Variants in DPP10 observed in about 807,000 individuals in gnomAD.
DPP10 encodes dipeptidyl peptidase like 10, also known as inactive dipeptidyl peptidase 10.
DPP10 carries 33 observed loss-of-function variants against 120.9 expected under a neutral mutation model. That is an observed-to-expected ratio of 0.27 (90% CI 0.21 to 0.37). The LOEUF (loss-of-function observed/expected upper bound fraction) is 0.37, where lower values mean the gene tolerates loss of function less well. Among genes scored for constraint, DPP10 ranks in the 10% least tolerant of loss-of-function variants. The probability of loss-of-function intolerance (pLI) is 1.00; values close to 1 mark genes in which losing one functional copy is unlikely to be tolerated. For missense variants in DPP10, 816 were observed against 942.8 expected, an observed-to-expected ratio of 0.87 and a Z score of 1.76; for synonymous variants, 337 against 326.1, an observed-to-expected ratio of 1.03 and a Z score of -0.36.
intron 1 of DPP10, among the ~76,000 whole-genome samples, chr2:115,271,868 G>T (rs2059712715): frequency 6.6e-6 from 1 of 152,082 alleles, no homozygotes; most frequent in East Asian, 1.9e-4. Context: ...AGATGAAATT[G>T]GCACCATCTA....
chr2:115,030,697 C>T (rs1375243204), intron 1 of DPP10, among the ~76,000 whole-genome samples: 3 of 152,136 alleles, frequency 2.0e-5, no homozygotes, highest in Non-Finnish European at 4.4e-5. Flanking sequence ...TCCATGTGTT[C>T]TCATCATTCA....
chr2:115,116,155 T>C (rs186873641), intron 1 of DPP10, among the ~76,000 whole-genome samples: 1,941 of 152,184 alleles, frequency 0.013, 24 homozygotes, highest in Middle Eastern at 0.027. Flanking sequence ...TCATTTTTTT[T>C]CCCAAAGACA....
chr2:114,835,929 G>T (rs1687698847), intron 1 of DPP10, among the ~76,000 whole-genome samples: 1 of 151,804 alleles, frequency 6.6e-6, no homozygotes, highest in Non-Finnish European at 1.5e-5. Context: ...CAAAATTTTA[G>T]ATTGAGTGAG....
intron 1 of DPP10, among the ~76,000 whole-genome samples, chr2:114,745,677 G>A (rs976550272): frequency 2.5e-4 from 38 of 152,270 alleles, no homozygotes; most frequent in African/African-American, 8.4e-4. Context: ...CCTGCTTTCC[G>A]TCTGTTTATA....
At chr2:114,519,452 G>C (rs1204586917) in intron 1 of DPP10, among the ~76,000 whole-genome samples, 1 of 152,196 alleles carries the variant, frequency 6.6e-6, no homozygotes, top group East Asian at 1.9e-4. Flanking sequence ...GATCTAAAAA[G>C]GCAATTGGGT....
intron 1 of DPP10, among the ~76,000 whole-genome samples, chr2:115,103,505 A>T (rs758762746): frequency 2.6e-5 from 4 of 152,098 alleles, no homozygotes; most frequent in Admixed American, 1.3e-4. Context: ...ATGATTCTTG[A>T]ACCAAGTCTT....
At chr2:115,294,496 T>C (rs1382484175) in intron 1 of DPP10, among the ~76,000 whole-genome samples, 1 of 152,064 alleles carries the variant, frequency 6.6e-6, no homozygotes, top group African/African-American at 2.4e-5. Flanking sequence ...TTTTGTACTC[T>C]CTCTTTCTTT....
chr2:115,035,055 T>C (rs1704131605), intron 1 of DPP10, among the ~76,000 whole-genome samples: 1 of 152,252 alleles, frequency 6.6e-6, no homozygotes. Flanking sequence ...ACTTGGCATT[T>C]AGCCGATGAC....
chr2:115,343,171 T>C (rs573711600), intron 2 of DPP10, among the ~76,000 whole-genome samples: 5 of 152,350 alleles, frequency 3.3e-5, no homozygotes, highest in East Asian at 1.9e-4. Context: ...TCATTTCTTA[T>C]ATTTTGGAAT....
chr2:115,807,056 A>G (rs17045016), intron 19 of DPP10, among the ~76,000 whole-genome samples: 2,772 of 152,316 alleles, frequency 0.018, 85 homozygotes, highest in African/African-American at 0.061. Flanking sequence ...AGAATAGATC[A>G]AATGCTATCC....
At chr2:115,001,254 A>G (rs1174579616) in intron 1 of DPP10, among the ~76,000 whole-genome samples, 1 of 152,224 alleles carries the variant, frequency 6.6e-6, no homozygotes, top group Non-Finnish European at 1.5e-5. Flanking sequence ...AGAAAAGTTA[A>G]TATCCATTGA....
At chr2:114,722,825 A>C (rs2105912298) in intron 1 of DPP10, among the ~76,000 whole-genome samples, 1 of 146,458 alleles carries the variant, frequency 6.8e-6, no homozygotes, top group African/African-American at 2.5e-5. Context: ...GACTATTCCC[A>C]CCTGTAAAGC....
intron 1 of DPP10, among the ~76,000 whole-genome samples, chr2:115,216,099 A>G (rs1371245741): frequency 6.6e-6 from 1 of 152,148 alleles, no homozygotes; most frequent in African/African-American, 2.4e-5. Flanking sequence ...GGCGCTAAAC[A>G]ATGTGTACAC....
intron 1 of DPP10, among the ~76,000 whole-genome samples, chr2:115,165,196 C>T (rs1333197744): frequency 6.6e-6 from 1 of 152,160 alleles, no homozygotes; most frequent in East Asian, 1.9e-4. Context: ...CATAAAGTAA[C>T]ATTTCTTGAA....
intron 1 of DPP10, among the ~76,000 whole-genome samples, chr2:115,149,883 C>A (rs560692637): frequency 1.3e-5 from 2 of 152,116 alleles, no homozygotes; most frequent in Admixed American, 6.5e-5. Context: ...TTTTATTTGA[C>A]AATTAATTTA....
intron 5 of DPP10, among the ~76,000 whole-genome samples, chr2:115,626,219 A>G (rs552254564): frequency 6.6e-6 from 1 of 152,046 alleles, no homozygotes; most frequent in South Asian, 2.1e-4. Flanking sequence ...AATATCCTAT[A>G]TATTTAAACA....
At chr2:115,535,056 G>A (rs1273022349) in intron 5 of DPP10, among the ~76,000 whole-genome samples, 2 of 149,888 alleles carry the variant, frequency 1.3e-5, no homozygotes, top group Non-Finnish European at 3.0e-5. Flanking sequence ...CTCCCATTTT[G>A]TAGGTTGCCT....
chr2:115,767,686 T>G (rs1391625968), intron 12 of DPP10, among the ~76,000 whole-genome samples: 1 of 152,010 alleles, frequency 6.6e-6, no homozygotes, highest in Non-Finnish European at 1.5e-5. Context: ...GGGTCACAGT[T>G]GTAGGTGGGC....
chr2:114,957,189 G>A (rs1172200859), intron 1 of DPP10, among the ~76,000 whole-genome samples: 8 of 151,818 alleles, frequency 5.3e-5, no homozygotes, highest in African/African-American at 1.7e-4. Context: ...CTAATAAGGG[G>A]CTAATATCCT....
Sources: gnomAD v4.1 joint callset for allele counts (sites outside exome capture counted in the v4.1 genomes callset) on GRCh38, gnomAD v4.1.1 for gene constraint, MANE v1.5 for transcripts, NCBI Gene and HGNC (gene_info 2026-07-23, HGNC 2026-07-21) for gene names.